The following AMBRA1 variants were observed in gnomAD, a reference collection of about 807,000 sequenced individuals.
The protein encoded by AMBRA1 is activating molecule in BECN1-regulated autophagy protein 1.
In AMBRA1, 47 loss-of-function variants were observed where a neutral mutation model predicts 125.4. The ratio of observed to expected loss-of-function variants is 0.37; its 90% CI spans 0.30 to 0.48. AMBRA1 has a LOEUF of 0.48. AMBRA1 is among the 20% of genes least tolerant of loss of function. AMBRA1 has a pLI of 0.99. For synonymous variants in AMBRA1, 626 were observed against 655.5 expected (o/e 0.95, Z 0.69); for missense variants, 1,331 against 1,693.4 (o/e 0.79, Z 3.76).
At chr11:46,528,402 C>T (rs1363365355) in intron 7 of AMBRA1, among the ~76,000 whole-genome samples, 1 of 152,188 alleles carries the variant, frequency 6.6e-6, no homozygotes, top group South Asian at 2.1e-4. Flanking sequence ...AACACCTGAC[C>T]TCAAGTGCTC....
chr11:46,550,170 C>T (rs986694326), intron 1 of AMBRA1, among the ~76,000 whole-genome samples: 1 of 152,352 alleles, frequency 6.6e-6, no homozygotes, highest in Non-Finnish European at 1.5e-5. Flanking sequence ...GAATGCCTTA[C>T]ATCCTAGACT....
intron 11 of AMBRA1, among the ~76,000 whole-genome samples, chr11:46,484,337 C>T (rs1363517117): frequency 1.3e-5 from 2 of 152,130 alleles, no homozygotes; most frequent in African/African-American, 4.8e-5. Flanking sequence ...TAATCATAAC[C>T]TAAGAAGAGA....
chr11:46,400,773 C>A (rs1408263839), intron 17 of AMBRA1, among the ~76,000 whole-genome samples: 1 of 151,994 alleles, frequency 6.6e-6, no homozygotes, highest in Non-Finnish European at 1.5e-5. Context: ...ATGGGTGAGT[C>A]ACTGCGCCCA....
In AMBRA1 at chr11:46,542,886, G is replaced by C; in HGVS notation, c.1131C>G (p.Ser377Arg). Residue 377 changes from serine (S) to arginine (R), a missense_variant, in exon 7 of 18, where the codon AGC becomes AGG. Coordinates refer to ENST00000683756, the MANE Select transcript of AMBRA1 (RefSeq NM_001387011.1). This position sits in a 1 kb window ranked among gnomAD's most constrained non-coding sequence, Gnocchi z 5.9. ...RPSAFSTVQS[S>R]TAGNTLRNLS... ...GGTTGCGGAGCGTGTTGCCGGCAGT[G>C]CTGCTCTGGACTGTACTGAAGGCAG... The C allele has an allele frequency of 6.2e-7, 1 of 1,613,064 alleles. No individual in the cohort carries two copies. Among genetic ancestry groups the C allele is most frequent in the Non-Finnish European group, 8.5e-7 (1 of 1,180,006 alleles).
At chr11:46,531,022 A>T (rs947990370) in intron 7 of AMBRA1, among the ~76,000 whole-genome samples, 1 of 152,024 alleles carries the variant, frequency 6.6e-6, no homozygotes, top group African/African-American at 2.4e-5. Flanking sequence ...TAGTTGGGAA[A>T]ACAGGTGCCT....
Position 46,461,720 on chromosome 11 carries a change from T to C in AMBRA1, c.2522-18122A>G, listed in dbSNP as rs1340258132. On this transcript the variant is annotated intron_variant, in intron 11 of 17. Coordinates refer to ENST00000683756, the MANE Select transcript of AMBRA1 (RefSeq NM_001387011.1). ...TCATACCATGTAAAGCCTGAGCTAC[T>C]GCACTGGTGAAACTATTCTGCAGGC... is the stretch of plus-strand genomic sequence containing the variant. Among the ~76,000 whole-genome samples, 7 of 152,372 alleles carry C rather than the reference T, an allele frequency of 4.6e-5. No individual in the cohort carries two copies. The East Asian group carries it at 1.3e-3, about 29-fold the overall frequency.
chr11:46,453,173 T>C (rs956603258), intron 11 of AMBRA1, among the ~76,000 whole-genome samples: 1 of 152,206 alleles, frequency 6.6e-6, no homozygotes, highest in African/African-American at 2.4e-5. Context: ...TGAAATCATA[T>C]GGTAGGTGGC....
intron 11 of AMBRA1, among the ~76,000 whole-genome samples, chr11:46,455,162 T>C (rs1488128642): frequency 3.3e-5 from 5 of 152,186 alleles, no homozygotes; most frequent in African/African-American, 4.8e-5. Flanking sequence ...GCTGGGATTA[T>C]GGGCATAAGC....
rs544588177 is a variant in AMBRA1, at chr11:46,418,811, A to G, written c.2977-759T>C. Among the ~76,000 whole-genome samples, 11 of 152,280 alleles carry G rather than the reference A, an allele frequency of 7.2e-5. No individual in the cohort carries two copies. The South Asian group carries it at 2.3e-3, about 32-fold the overall frequency. ...CGCTCTCCTTAGAGCCTTTTAGCTA[A>G]CTAACTTCATTGCTTTTAAATTAAC... On this transcript the variant is annotated intron_variant, in intron 14 of 17. Coordinates refer to ENST00000683756, the MANE Select transcript of AMBRA1 (RefSeq NM_001387011.1).
At chr11:46,552,483 G>A (rs528417094) in intron 1 of AMBRA1, among the ~76,000 whole-genome samples, 7 of 143,834 alleles carry the variant, frequency 4.9e-5, no homozygotes, top group African/African-American at 7.8e-5. Context: ...TCAAGAGATC[G>A]AGACCATCCT....
At chr11:46,589,529 T>A (rs1283642839) in intron 1 of AMBRA1, among the ~76,000 whole-genome samples, 3 of 152,194 alleles carry the variant, frequency 2.0e-5, no homozygotes, top group Non-Finnish European at 4.4e-5. Flanking sequence ...GGCTGAGGCA[T>A]ATCTTAGAAA....
chr11:46,498,183 C>A (rs1950707446), intron 9 of AMBRA1, among the ~76,000 whole-genome samples: 1 of 152,158 alleles, frequency 6.6e-6, no homozygotes, highest in African/African-American at 2.4e-5. Context: ...AGTTTAGGAA[C>A]AGTGAAGGGT....
chr11:46,526,890 T>C (rs1366025867), intron 7 of AMBRA1, among the ~76,000 whole-genome samples: 1 of 152,240 alleles, frequency 6.6e-6, no homozygotes, highest in African/African-American at 2.4e-5. Context: ...TCCATGAGGT[T>C]AGTTTACAGC....
Position 46,510,665 on chromosome 11 carries a change from A to C in AMBRA1, c.2159+2062T>G, listed in dbSNP as rs190833078. On this transcript the variant is annotated intron_variant, in intron 8 of 17. Transcript: ENST00000683756. ...GGACATAGGAATTCCCCAAGCTATG[A>C]AACTGTAGATTAATGGTTTAAAAAG... is the stretch of plus-strand genomic sequence containing the variant. Among the ~76,000 whole-genome samples the C allele has an allele frequency of 5.9e-5, 9 of 152,342 alleles. No homozygotes were observed. In the East Asian group the frequency reaches 1.7e-3, roughly 29 times the overall value.
At chr11:46,421,547 G>T (rs1250459130) in intron 14 of AMBRA1, among the ~76,000 whole-genome samples, 6 of 152,150 alleles carry the variant, frequency 3.9e-5, no homozygotes, top group African/African-American at 1.4e-4. Context: ...AGGTCATCTG[G>T]TCCAATCATC....
chr11:46,563,897 C>A (rs1166873436), intron 1 of AMBRA1, among the ~76,000 whole-genome samples: 1 of 145,552 alleles, frequency 6.9e-6, no homozygotes, highest in Non-Finnish European at 1.5e-5. Flanking sequence ...GTAATCTCAG[C>A]ACTTTGGGAG....
intron 7 of AMBRA1, among the ~76,000 whole-genome samples, chr11:46,523,018 G>A (rs1194822585): frequency 2.6e-5 from 4 of 152,280 alleles, no homozygotes; most frequent in Admixed American, 1.3e-4. Context: ...GTGCTGGGGT[G>A]TTTATTAACC....
chr11:46,438,967 T>C (rs1051944329), intron 12 of AMBRA1, among the ~76,000 whole-genome samples: 1 of 152,160 alleles, frequency 6.6e-6, no homozygotes, highest in African/African-American at 2.4e-5. Flanking sequence ...ACTTGGTGGT[T>C]GCTGAACTCA....
At chr11:46,415,884 A>G (rs1033626376) in intron 15 of AMBRA1, among the ~76,000 whole-genome samples, 3 of 152,256 alleles carry the variant, frequency 2.0e-5, no homozygotes, top group African/African-American at 7.2e-5. Context: ...GGGAGAAAAG[A>G]GAAAACAGAA....
Sources: gnomAD v4.1 joint callset for allele counts (sites outside exome capture counted in the v4.1 genomes callset) on GRCh38, gnomAD v4.1.1 for gene constraint, Gnocchi (gnomAD v3.1) non-coding constraint, MANE v1.5 for transcripts, NCBI Gene and HGNC (gene_info 2026-07-23, HGNC 2026-07-21) for gene names.